The following FHIT variants were observed in gnomAD, a reference collection of about 807,000 sequenced individuals.
FHIT encodes fragile histidine triad diadenosine triphosphatase.
In FHIT, 19 loss-of-function variants were observed where a neutral mutation model predicts 17.9. That is an observed-to-expected ratio of 1.06 (90% CI 0.74 to 1.56). FHIT has a LOEUF of 1.56. Ranked by LOEUF, FHIT falls within the 40% of genes most tolerant of loss-of-function variation. The probability of loss-of-function intolerance (pLI) is 0.00; values close to 1 mark genes in which losing one functional copy is unlikely to be tolerated. For missense variants in FHIT, 248 were observed against 189.2 expected (o/e 1.31, Z -1.82); for synonymous variants, 81 against 69.7 (o/e 1.16, Z -0.81).
intron 1 of FHIT, among the ~76,000 whole-genome samples, chr3:61,238,454 C>T (rs1421821807): frequency 6.6e-6 from 1 of 152,150 alleles, no homozygotes; most frequent in African/African-American, 2.4e-5. Context: ...TAGCCACTAC[C>T]GCTGCCCTTC....
intron 4 of FHIT, among the ~76,000 whole-genome samples, chr3:60,678,543 T>A (rs1553696017): frequency 6.6e-6 from 1 of 152,136 alleles, no homozygotes; most frequent in African/African-American, 2.4e-5. Flanking sequence ...ACTGATAGAT[T>A]TTCCTGTAAG....
chr3:60,217,973 T>C lies in FHIT; in HGVS notation c.104-203821A>G, dbSNP rs376563387. ...CAGACATTAAAGAGATTTGCAAAAC[T>C]ATAAAGCAATGCCATTCTCAATTTT... On this transcript the variant is annotated intron_variant, in intron 5 of 9. Transcript: ENST00000492590. Among the ~76,000 whole-genome samples, 10 of 152,326 alleles carry C rather than the reference T, an allele frequency of 6.6e-5. No homozygotes were observed. The East Asian group carries it at 7.7e-4, about 12-fold the overall frequency.
rs111520376 is a variant in FHIT, at chr3:60,444,110, C to T, written c.103+92750G>A. ...TGAAAAAAATGCTTATCATCACTTGCCATCAGAGAAATGCAAATCAAAACC... is the reference window on the plus strand; with the variant it reads ...TGAAAAAAATGCTTATCATCACTTGTCATCAGAGAAATGCAAATCAAAACC... On this transcript the variant is annotated intron_variant, in intron 5 of 9. Coordinates refer to ENST00000492590, the MANE Select transcript of FHIT (RefSeq NM_002012.4). Among the ~76,000 whole-genome samples, 88 of 152,232 alleles carry T rather than the reference C, an allele frequency of 5.8e-4. 1 individual carries two copies. Among genetic ancestry groups the T allele is most frequent in the African/African-American group, 2.1e-3 (88 of 41,556 alleles).
At chr3:60,843,021 A>T (rs973641045) in intron 3 of FHIT, among the ~76,000 whole-genome samples, 4 of 152,170 alleles carry the variant, frequency 2.6e-5, no homozygotes, top group African/African-American at 9.7e-5. Context: ...CCAAAGATTT[A>T]TTTGCATCTG....
At chr3:60,113,832 T>A (rs1179115180) in intron 5 of FHIT, among the ~76,000 whole-genome samples, 1 of 148,844 alleles carries the variant, frequency 6.7e-6, no homozygotes, top group Non-Finnish European at 1.5e-5. Context: ...AAACCCCGTC[T>A]CTACTAAAAA....
At chr3:60,345,795 G>T (rs1293747057) in intron 5 of FHIT, among the ~76,000 whole-genome samples, 2 of 152,154 alleles carry the variant, frequency 1.3e-5, no homozygotes, top group Non-Finnish European at 2.9e-5. Context: ...GAAAGAAAAT[G>T]TCTTTTTGAA....
At chr3:60,746,877 C>A (rs989494040) in intron 4 of FHIT, among the ~76,000 whole-genome samples, 2 of 152,114 alleles carry the variant, frequency 1.3e-5, no homozygotes. Context: ...TGTGAAACTT[C>A]ATTCTCTTGC....
chr3:60,148,194 A>C (rs1284511738), intron 5 of FHIT, among the ~76,000 whole-genome samples: 2 of 152,196 alleles, frequency 1.3e-5, no homozygotes, highest in Non-Finnish European at 2.9e-5. Flanking sequence ...GAAATGCTAA[A>C]TGGCAGTTAT....
intron 8 of FHIT, among the ~76,000 whole-genome samples, chr3:59,757,413 C>G (rs888365474): frequency 2.6e-5 from 4 of 152,176 alleles, no homozygotes; most frequent in African/African-American, 9.6e-5. Context: ...GACTGAAGAA[C>G]TGATACGTGT....
chr3:60,650,273 C>T (rs1360460529), intron 4 of FHIT, among the ~76,000 whole-genome samples: 1 of 152,144 alleles, frequency 6.6e-6, no homozygotes, highest in Non-Finnish European at 1.5e-5. Context: ...ATTTCTTTGT[C>T]TTAGTTTCTT....
intron 5 of FHIT, among the ~76,000 whole-genome samples, chr3:60,228,721 AC>A (rs1384246632): frequency 2.6e-5 from 4 of 152,220 alleles, no homozygotes; most frequent in African/African-American, 7.2e-5. Context: ...TTCTTACGAG[AC>A]CCTTGAATAA....
rs548804180 is a variant in FHIT at position 60,335,875 on chromosome 3, CACT to C, written c.103+200982_103+200984del. ...AAAAAAATGGTATGCTCCAAGTTACCACTAAGAAAAATTTTTAAAAATACATTA... is the reference window on the plus strand; with the variant it reads ...AAAAAAATGGTATGCTCCAAGTTACCAAGAAAAATTTTTAAAAATACATTA... On this transcript the variant is annotated intron_variant, in intron 5 of 9. Coordinates refer to ENST00000492590, the MANE Select transcript of FHIT (RefSeq NM_002012.4). Among the ~76,000 whole-genome samples, 467 of 152,140 alleles carry C rather than the reference CACT, an allele frequency of 3.1e-3. 1 individual carries two copies. Among genetic ancestry groups the C allele is most frequent in the African/African-American group, 0.011 (447 of 41,500 alleles).
At chr3:60,889,875 T>C (rs1301954590) in intron 3 of FHIT, among the ~76,000 whole-genome samples, 8 of 152,156 alleles carry the variant, frequency 5.3e-5, no homozygotes, top group Admixed American at 4.6e-4. Flanking sequence ...AGATATGCAA[T>C]CCTTTTTGTC....
chr3:59,871,193 T>C (rs1361887107), intron 8 of FHIT, among the ~76,000 whole-genome samples: 1 of 152,170 alleles, frequency 6.6e-6, no homozygotes, highest in Non-Finnish European at 1.5e-5. Flanking sequence ...ACTATGCCTA[T>C]AGTGGCAAGG....
intron 5 of FHIT, among the ~76,000 whole-genome samples, chr3:60,505,109 A>G (rs1195643202): frequency 6.6e-6 from 1 of 152,248 alleles, no homozygotes; most frequent in Admixed American, 6.5e-5. Flanking sequence ...TGAGCTGTAA[A>G]AACAGAAAAA....
chr3:60,482,763 A>G (rs1028259876), intron 5 of FHIT, among the ~76,000 whole-genome samples: 13 of 152,116 alleles, frequency 8.5e-5, no homozygotes, highest in African/African-American at 3.1e-4. Flanking sequence ...ATCACAATTA[A>G]AAGAGCTAGA....
chr3:60,557,238 C>A (rs920214891), intron 4 of FHIT, among the ~76,000 whole-genome samples: 1 of 152,150 alleles, frequency 6.6e-6, no homozygotes, highest in Non-Finnish European at 1.5e-5. Flanking sequence ...AGTGATGGAG[C>A]CGAGATTTGT....
chr3:60,568,392 G>C (rs2037219156), intron 4 of FHIT, among the ~76,000 whole-genome samples: 1 of 152,016 alleles, frequency 6.6e-6, no homozygotes, highest in Admixed American at 6.6e-5. Context: ...TCACTCATAG[G>C]TGGGAATTGA....
At chr3:60,059,984 GTTTT>G (rs1168851237) in intron 5 of FHIT, among the ~76,000 whole-genome samples, 2 of 152,070 alleles carry the variant, frequency 1.3e-5, no homozygotes, top group Non-Finnish European at 2.9e-5. Flanking sequence ...ATGAGTTGTT[GTTTT>G]TTGTTTTGTT....
Sources: gnomAD v4.1 joint callset for allele counts (sites outside exome capture counted in the v4.1 genomes callset) on GRCh38, gnomAD v4.1.1 for gene constraint, MANE v1.5 for transcripts, NCBI Gene and HGNC (gene_info 2026-07-23, HGNC 2026-07-21) for gene names.